Variants in RAB4A observed in about 807,000 individuals in gnomAD.
RAB4A encodes the protein RAB4A, member RAS oncogene family.
RAB4A carries 20 observed loss-of-function variants against 34.5 expected under a neutral mutation model. The observed-to-expected ratio is 0.58, with a 90% CI of 0.41 to 0.84. The LOEUF (loss-of-function observed/expected upper bound fraction) is 0.84, where lower values mean the gene tolerates loss of function less well. RAB4A is among the 40% of genes least tolerant of loss of function. RAB4A has a pLI of 0.00. For synonymous variants in RAB4A, 102 were observed against 100.0 expected (o/e 1.02, Z -0.12); for missense variants, 228 against 274.5 (o/e 0.83, Z 1.20).
At chr1:229,276,937 C>T (rs1162015207) in intron 1 of RAB4A, among the ~76,000 whole-genome samples, 2 of 149,420 alleles carry the variant, frequency 1.3e-5, no homozygotes, top group Non-Finnish European at 2.9e-5. Flanking sequence ...ACAAGAGCCT[C>T]CTGGGCCAGG....
intron 1 of RAB4A, among the ~76,000 whole-genome samples, chr1:229,277,995 G>A (rs1405223085): frequency 6.6e-6 from 1 of 151,316 alleles, no homozygotes; most frequent in Non-Finnish European, 1.5e-5. Context: ...CTCCTGAGTC[G>A]CTGGGATTAC....
intron 1 of RAB4A, among the ~76,000 whole-genome samples, chr1:229,282,609 CTG>C (rs1354652329): frequency 6.6e-6 from 1 of 152,152 alleles, no homozygotes; most frequent in Non-Finnish European, 1.5e-5. Flanking sequence ...CCTTGAGGCT[CTG>C]TTTATTTATT....
chr1:229,296,456 T>G (rs1191880992), intron 4 of RAB4A, among the ~76,000 whole-genome samples: 2 of 152,236 alleles, frequency 1.3e-5, no homozygotes, highest in South Asian at 4.1e-4. Context: ...AGTAGCTGTT[T>G]GTGACATATG....
At chr1:229,274,504 G>A (rs1656588435) in intron 1 of RAB4A, among the ~76,000 whole-genome samples, 1 of 152,134 alleles carries the variant, frequency 6.6e-6, no homozygotes, top group Non-Finnish European at 1.5e-5. Context: ...CATGAATACT[G>A]TACTTTATGT....
intron 1 of RAB4A, among the ~76,000 whole-genome samples, chr1:229,273,924 T>C (rs1450700944): frequency 6.6e-6 from 1 of 152,182 alleles, no homozygotes; most frequent in Non-Finnish European, 1.5e-5. Flanking sequence ...TCTGAGCTGG[T>C]GAAGGAATGT....
chr1:229,273,456 GA>G (rs1656553835), intron 1 of RAB4A, among the ~76,000 whole-genome samples: 1 of 152,200 alleles, frequency 6.6e-6, no homozygotes. Flanking sequence ...AATAGAAAAT[GA>G]GGCCAGAGGT....
intron 1 of RAB4A, among the ~76,000 whole-genome samples, chr1:229,272,528 A>G (rs768494165): frequency 5.9e-5 from 9 of 152,196 alleles, no homozygotes; most frequent in Non-Finnish European, 1.2e-4. Flanking sequence ...ATTAAAAACC[A>G]GGCAAGAGTT....
intron 1 of RAB4A, among the ~76,000 whole-genome samples, chr1:229,280,256 T>C (rs1313089365): frequency 1.3e-5 from 2 of 152,228 alleles, no homozygotes. Context: ...TGAGAGAACA[T>C]GATGCATTCC....
chr1:229,281,880 C>T (rs187730979), intron 1 of RAB4A, among the ~76,000 whole-genome samples: 5 of 146,546 alleles, frequency 3.4e-5, no homozygotes, highest in Admixed American at 1.4e-4. Context: ...TTTATCCTGT[C>T]TTGTTTTAAT....
chr1:229,279,826 C>G (rs764642347), intron 1 of RAB4A, among the ~76,000 whole-genome samples: 4 of 142,944 alleles, frequency 2.8e-5, no homozygotes, highest in Non-Finnish European at 4.6e-5. Flanking sequence ...AAACCCTTAT[C>G]AGGTGAATAT....
intron 3 of RAB4A, among the ~76,000 whole-genome samples, chr1:229,289,940 T>A (rs1657024921): frequency 6.6e-6 from 1 of 152,174 alleles, no homozygotes; most frequent in East Asian, 1.9e-4. Context: ...ATTTATGTCT[T>A]CCCTCTCAGA....
intron 3 of RAB4A, among the ~76,000 whole-genome samples, chr1:229,294,910 T>C (rs2102851071): frequency 6.6e-6 from 1 of 152,100 alleles, no homozygotes; most frequent in African/African-American, 2.4e-5. Flanking sequence ...TGTTTTGTGT[T>C]TTAAGATGGG....
At chr1:229,273,155 T>C (rs1355452865) in intron 1 of RAB4A, among the ~76,000 whole-genome samples, 1 of 152,210 alleles carries the variant, frequency 6.6e-6, no homozygotes, top group Non-Finnish European at 1.5e-5. Flanking sequence ...GTGGGGGTCA[T>C]GAATCAGTAA....
chr1:229,274,388 C>A (rs931470498), intron 1 of RAB4A, among the ~76,000 whole-genome samples: 2 of 152,038 alleles, frequency 1.3e-5, no homozygotes, highest in Non-Finnish European at 2.9e-5. Flanking sequence ...TATGAGCTAC[C>A]TCTCATTAAT....
intron 1 of RAB4A, among the ~76,000 whole-genome samples, chr1:229,271,737 A>G (rs1352407065): frequency 1.3e-5 from 2 of 152,174 alleles, no homozygotes; most frequent in African/African-American, 4.8e-5. Context: ...CTGCGATATT[A>G]TCCCCAGCGA....
chr1:229,295,133 G>T (rs1279804859), intron 3 of RAB4A, among the ~76,000 whole-genome samples: 1 of 151,848 alleles, frequency 6.6e-6, no homozygotes, highest in Non-Finnish European at 1.5e-5. Context: ...CTAATTTTTT[G>T]TAGAGACAGG....
intron 1 of RAB4A, among the ~76,000 whole-genome samples, chr1:229,278,084 C>T (rs1382809470): frequency 2.6e-5 from 4 of 152,146 alleles, no homozygotes; most frequent in African/African-American, 4.8e-5. Context: ...AGGCTGGTCT[C>T]GATCTCCTAA....
At chr1:229,275,958 T>C (rs1035080764) in intron 1 of RAB4A, among the ~76,000 whole-genome samples, 9 of 151,112 alleles carry the variant, frequency 6.0e-5, no homozygotes, top group Non-Finnish European at 1.2e-4. Flanking sequence ...CTGGTTCCAA[T>C]AAAGTATGAA....
intron 1 of RAB4A, among the ~76,000 whole-genome samples, chr1:229,280,587 G>T (rs1259176386): frequency 6.6e-6 from 1 of 151,940 alleles, no homozygotes; most frequent in African/African-American, 2.4e-5. Flanking sequence ...TCTATTTTGA[G>T]ATCATTGCAG....
Sources: gnomAD v4.1 joint callset for allele counts (sites outside exome capture counted in the v4.1 genomes callset) on GRCh38, gnomAD v4.1.1 for gene constraint, MANE v1.5 for transcripts, NCBI Gene and HGNC (gene_info 2026-07-23, HGNC 2026-07-21) for gene names.